Variants in PNPLA7 observed in about 807,000 individuals in gnomAD.
PNPLA7 encodes patatin like domain 7, lysophospholipase, also known as patatin-like phospholipase domain-containing protein 7.
PNPLA7 carries 153 observed loss-of-function variants against 161.7 expected under a neutral mutation model. That is an observed-to-expected ratio of 0.95 (90% CI 0.83 to 1.08). The LOEUF (loss-of-function observed/expected upper bound fraction) is 1.08, where lower values mean the gene tolerates loss of function less well. Among genes scored for constraint, PNPLA7 ranks in the 50% least tolerant of loss-of-function variants. PNPLA7 has a pLI of 0.00. For synonymous variants in PNPLA7, 809 were observed against 782.1 expected (o/e 1.03, Z -0.57); for missense variants, 1,739 against 1,856.6 (o/e 0.94, Z 1.16).
At position 137,505,671 on chromosome 9, in the gene PNPLA7, C is replaced by G; in HGVS notation, c.1416G>C (p.Lys472Asn). 6.2e-7 allele frequency: 1 copy of G among 1,614,148 alleles called. No individual in the cohort carries two copies. The highest frequency in any genetic ancestry group is 8.5e-7 in the Non-Finnish European group (1 of 1,180,044). Residue 472 changes from lysine to asparagine, a missense_variant, in exon 14 of 35, where the codon AAG becomes AAC. Lys to Asn is a moderately conservative substitution (Grantham distance 94). This residue lies in a region of PNPLA7 where 481 missense variants were observed against 450.0 expected (regional missense o/e 1.07). Transcript: ENST00000406427. ...TGGCAGCTCTGAAGATGGCATCCGA[C>G]TTCCTGCTGGCCAGGGTCTCATCCG... ...SHTDETLASR[K>N]SDAIFRAAKK...
intron 23 of PNPLA7, chr9:137,479,739 G>A (rs1278052633): frequency 1.0e-5 from 10 of 985,318 alleles, no homozygotes; most frequent in Middle Eastern, 5.2e-4. Flanking sequence ...CCATGAGCCC[G>A]AGGCCTCGCC....
At chr9:137,481,671 G>C (rs550113572) in intron 21 of PNPLA7, among the ~76,000 whole-genome samples, 6 of 152,306 alleles carry the variant, frequency 3.9e-5, no homozygotes, top group African/African-American at 7.2e-5. Context: ...CTAATTAAAA[G>C]CTAGAGATCG....
Position 137,462,766 on chromosome 9 carries a change from C to T in PNPLA7, c.3411G>A (p.Thr1137=), listed in dbSNP as rs531984473. The change falls in exon 30 of 35, where the codon ACG becomes ACA. Residue 1137 remains threonine (T), a synonymous_variant. Transcript: ENST00000406427. ...IAIDVGSRDE[T]DLTNYGDALS... is the part of the protein sequence containing the mutation. ...GCGCATCCCCATAGTTGGTGAGGTC[C>T]GTCTCATCTCGGCTGCCCACGTCAA... The T allele has an allele frequency of 6.1e-5, 99 of 1,613,958 alleles. No homozygotes were observed. In the Middle Eastern group the frequency reaches 6.6e-4, roughly 11 times the overall value.
At position 137,547,675 on chromosome 9, in the gene PNPLA7, T is replaced by C. The variant is rs200571886; in HGVS notation, c.31-16A>G. On this transcript the variant is annotated splice_polypyrimidine_tract_variant and intron_variant, in intron 1 of 34. Coordinates refer to ENST00000406427, the MANE Select transcript of PNPLA7 (RefSeq NM_001098537.3). This position sits in a 1 kb window ranked among gnomAD's most constrained non-coding sequence, Gnocchi z 4.6. ...AGAAGTCAGCCTGCAGCAGAGAGCA[T>C]GGGGTCAGGTGGGCATGGACAGGCT... 9 of 1,612,142 alleles carry C rather than the reference T, an allele frequency of 5.6e-6. No individual in the cohort carries two copies. The Admixed American group carries it at 1.3e-4, about 24-fold the overall frequency.
At chr9:137,480,173 G>C in intron 23 of PNPLA7, 139 bp downstream of exon 23, 3 of 1,254,522 alleles carry the variant, frequency 2.4e-6, no homozygotes, top group South Asian at 2.9e-5. Context: ...TTTAAAACAT[G>C]GGTAGCAGAT....
rs115392164 is a variant in PNPLA7, at chr9:137,547,162, G to A, written c.193+147C>T. ...ACAGACTTGGCTTCCTGGAACCGACGGGCTCAGCCTGAGCCCAGACGGGCC... is the reference window on the plus strand; with the variant it reads ...ACAGACTTGGCTTCCTGGAACCGACAGGCTCAGCCTGAGCCCAGACGGGCC... On this transcript the variant is annotated intron_variant, in intron 3 of 34. Transcript: ENST00000406427. This position sits in a 1 kb window ranked among gnomAD's most constrained non-coding sequence, Gnocchi z 4.6. 1.3e-3 allele frequency: 1,142 copies of A among 857,130 alleles called. 14 individuals are homozygous for A. In the African/African-American group the frequency reaches 0.017, roughly 13 times the overall value. The allele number at this position is 857,130 out of a possible 1,614,324, so 53.1% of individuals were successfully genotyped here. A position where few individuals can be genotyped will look rare whatever the true frequency, so the allele number is the denominator to read the frequency against.
At chr9:137,526,019 T>A (rs1835283406) in intron 8 of PNPLA7, among the ~76,000 whole-genome samples, 1 of 151,126 alleles carries the variant, frequency 6.6e-6, no homozygotes, top group Admixed American at 6.6e-5. Context: ...CAGAGATTAT[T>A]ATAATATTGG....
At chr9:137,461,776 G>T (rs975649385) in intron 32 of PNPLA7, 155 bp downstream of exon 32, 20 of 1,192,426 alleles carry the variant, frequency 1.7e-5, no homozygotes, top group Middle Eastern at 2.8e-4. Flanking sequence ...GCGCAGTCCT[G>T]AGCAATCCTT....
chr9:137,473,111 GA>G (rs1831788843), intron 25 of PNPLA7, among the ~76,000 whole-genome samples: 1 of 152,196 alleles, frequency 6.6e-6, no homozygotes, highest in Non-Finnish European at 1.5e-5. Context: ...AAAACCATCA[GA>G]TCCCGTTAGA....
intron 9 of PNPLA7, 127 bp from the exon 10 acceptor site, chr9:137,521,843 A>C: frequency 4.3e-6 from 3 of 694,102 alleles, no homozygotes; most frequent in Non-Finnish European, 6.9e-6. Context: ...GAACCCTCTC[A>C]GGGTGAAAAA....
At chr9:137,497,910 G>A (rs539219770) in intron 17 of PNPLA7, among the ~76,000 whole-genome samples, 17 of 152,376 alleles carry the variant, frequency 1.1e-4, no homozygotes, top group Middle Eastern at 6.8e-3. Context: ...ATGTCCAAGC[G>A]TGTGTGGGTG....
In PNPLA7 at chr9:137,505,976, GGC is replaced by G; in HGVS notation, c.1326+5_1326+6del. ...GGCGGAGGGTGAGAATGACAGCCAGGGCCTACCTTGCTGGCCACGGAGCTCCC... is the reference window on the plus strand; with the variant it reads ...GGCGGAGGGTGAGAATGACAGCCAGGCTACCTTGCTGGCCACGGAGCTCCC... On this transcript the variant is annotated splice_donor_5th_base_variant and intron_variant, in intron 13 of 34. Coordinates refer to ENST00000406427, the MANE Select transcript of PNPLA7 (RefSeq NM_001098537.3). 6.2e-7 allele frequency: 1 copy of G among 1,605,394 alleles called. No individual in the cohort carries two copies. Among genetic ancestry groups the G allele is most frequent in the Non-Finnish European group, 8.5e-7 (1 of 1,176,296 alleles).
chr9:137,470,626 C>T (rs1831663697), intron 25 of PNPLA7, among the ~76,000 whole-genome samples: 2 of 152,148 alleles, frequency 1.3e-5, no homozygotes, highest in South Asian at 2.1e-4. Flanking sequence ...CCCACTTAAG[C>T]TTATGAAGCC....
Position 137,540,898 on chromosome 9 carries a change from G to C in PNPLA7, c.667-176C>G, listed in dbSNP as rs145730689. On this transcript the variant is annotated intron_variant, in intron 7 of 34. Transcript: ENST00000406427. The surrounding 1 kb of genome is among the most constrained non-coding windows in gnomAD (Gnocchi z 5.1). Reference sequence around the variant, plus strand: ...GGACAAGATGGACCTGCTGGCATCAGGGGTACAACACACAGGAAGCGGCAG... The same window carrying C: ...GGACAAGATGGACCTGCTGGCATCACGGGTACAACACACAGGAAGCGGCAG... The C allele has an allele frequency of 1.0e-5, 6 of 596,112 alleles. No individual in the cohort carries two copies. The South Asian group carries it at 1.1e-4, about 11-fold the overall frequency. 36.9% of individuals were successfully genotyped at this position (596,112 alleles called of 1,614,324 possible).
In PNPLA7 at chr9:137,471,465, G is replaced by GGCA. The variant is rs1554758278; in HGVS notation, c.2883-3995_2883-3993dup. Among the ~76,000 whole-genome samples the GGCA allele has an allele frequency of 1.6e-4, 25 of 152,056 alleles. 1 individual carries two copies. Among genetic ancestry groups the GGCA allele is most frequent in the Admixed American group, 1.6e-3 (24 of 15,254 alleles). Reference sequence around the variant, plus strand: ...AATACAAAAATTAGCCGGGCGTGGTGGCAGGCACCTGTAATCCCAGCTCCT... The same window carrying GGCA: ...AATACAAAAATTAGCCGGGCGTGGTGGCAGCAGGCACCTGTAATCCCAGCTCCT... On this transcript the variant is annotated intron_variant, in intron 25 of 34. Transcript: ENST00000406427.
chr9:137,522,936 T>C, intron 8 of PNPLA7, 79 bp from the exon 9 acceptor site: 1 of 1,577,448 alleles, frequency 6.3e-7, no homozygotes, highest in East Asian at 2.3e-5. Flanking sequence ...CTGGAAGCCC[T>C]GGAGGAGGCC....
chr9:137,507,085 G>A (rs928547685), intron 12 of PNPLA7, among the ~76,000 whole-genome samples: 2 of 152,266 alleles, frequency 1.3e-5, no homozygotes, highest in African/African-American at 2.4e-5. Flanking sequence ...GCTGGGCCTT[G>A]GAAAGGGGCG....
intron 33 of PNPLA7, 155 bp from the exon 34 acceptor site, chr9:137,460,892 C>T: frequency 1.6e-6 from 1 of 623,624 alleles, no homozygotes; most frequent in Non-Finnish European, 2.8e-6. Context: ...CAGGGCAGCC[C>T]TGCACACCAC....
At chr9:137,470,061 T>A (rs1046282829) in intron 25 of PNPLA7, among the ~76,000 whole-genome samples, 2 of 152,212 alleles carry the variant, frequency 1.3e-5, no homozygotes, top group Admixed American at 6.5e-5. Context: ...GGTCTAGCTC[T>A]CACCCAGGCT....
Sources: allele counts gnomAD v4.1 joint callset (sites outside exome capture counted in the v4.1 genomes callset), GRCh38; gene constraint gnomAD v4.1.1; regional missense constraint gnomAD v4.1.1; non-coding constraint Gnocchi (gnomAD v3.1); transcripts MANE v1.5; gene names NCBI Gene and HGNC (gene_info 2026-07-23, HGNC 2026-07-21).